Variants in CACNA1E observed in about 807,000 individuals in gnomAD.
The protein encoded by CACNA1E is voltage-dependent R-type calcium channel subunit alpha-1E.
Under a neutral mutation model 259.2 loss-of-function variants are expected in CACNA1E, and 40 were observed. That is an observed-to-expected ratio of 0.15 (90% CI 0.12 to 0.20). The LOEUF is 0.20. Ranked by LOEUF, CACNA1E falls within the 10% of genes least tolerant of loss-of-function variation. The pLI is 1.00. For synonymous variants in CACNA1E, 1,104 were observed against 1,138.5 expected, an observed-to-expected ratio of 0.97 and a Z score of 0.61; for missense variants, 1,874 against 3,040.1, an observed-to-expected ratio of 0.62 and a Z score of 9.02.
intron 2 of CACNA1E, among the ~76,000 whole-genome samples, chr1:181,459,442 C>T (rs918885105): frequency 6.6e-6 from 1 of 152,224 alleles, no homozygotes; most frequent in Admixed American, 6.5e-5. Flanking sequence ...GTGAGGATTC[C>T]TCTGTAGAAG....
chr1:181,493,071 T>C (rs74933039), intron 1 of CACNA1E, among the ~76,000 whole-genome samples: 28 of 152,346 alleles, frequency 1.8e-4, no homozygotes, highest in African/African-American at 6.7e-4. Context: ...ATTTGCTTTC[T>C]ATACTGGGAT....
chr1:181,526,187 T>C (rs183248642), intron 3 of CACNA1E, among the ~76,000 whole-genome samples: 256 of 152,284 alleles, frequency 1.7e-3, no homozygotes, highest in Admixed American at 3.3e-3. Context: ...AAAGGATTTT[T>C]AAAAAATTCT....
rs371652214 is a variant in CACNA1E at position 181,762,895 on chromosome 1, G to A, written c.4689+238G>A. Among the ~76,000 whole-genome samples the A allele has an allele frequency of 1.9e-3, 286 of 152,340 alleles. 6 individuals are homozygous for A. The highest frequency in any genetic ancestry group is 7.8e-3 in the Admixed American group (120 of 15,300). ...ACTCAGGCAGCAGACCTCTAATGGG[G>A]TAGGTGGGATAGACGGTGTCAGAAG... On this transcript the variant is annotated intron_variant, in intron 33 of 47. Transcript: ENST00000367573.
At chr1:181,740,613 C>A (rs960379250) in intron 25 of CACNA1E, among the ~76,000 whole-genome samples, 4 of 152,182 alleles carry the variant, frequency 2.6e-5, no homozygotes, top group Admixed American at 2.6e-4. Context: ...GACCCTGGAA[C>A]TGGACTGTGT....
At position 181,756,585 on chromosome 1, in the gene CACNA1E, G is replaced by T. The variant is rs528319376; in HGVS notation, c.4128-340G>T. ...TGAAAGCTAATTTCTCAGAGACTTAGCAATGACTAAGACACCACTCTCTAG... is the reference window on the plus strand; with the variant it reads ...TGAAAGCTAATTTCTCAGAGACTTATCAATGACTAAGACACCACTCTCTAG... On this transcript the variant is annotated intron_variant, in intron 29 of 47. Coordinates refer to ENST00000367573, the MANE Select transcript of CACNA1E (RefSeq NM_001205293.3). 2.6e-5 allele frequency among the ~76,000 whole-genome samples: 4 copies of T among 152,292 alleles called. No homozygotes were observed. The East Asian group carries it at 7.7e-4, about 29-fold the overall frequency.
chr1:181,669,617 C>CT (rs1331227330), intron 7 of CACNA1E, among the ~76,000 whole-genome samples: 1 of 152,240 alleles, frequency 6.6e-6, no homozygotes, highest in Non-Finnish European at 1.5e-5. Flanking sequence ...GGTGAGTTCA[C>CT]TTTCTTTTCC....
intron 1 of CACNA1E, among the ~76,000 whole-genome samples, chr1:181,396,073 G>T (rs1217911814): frequency 6.6e-6 from 1 of 152,200 alleles, no homozygotes; most frequent in Non-Finnish European, 1.5e-5. Context: ...TGGGGCTGGA[G>T]AATCCCATTC....
At chr1:181,326,703 C>G (rs572901451) in intron 1 of CACNA1E, among the ~76,000 whole-genome samples, 1 of 152,312 alleles carries the variant, frequency 6.6e-6, no homozygotes, top group African/African-American at 2.4e-5. Flanking sequence ...AGATTTCTCT[C>G]CAACTGAATA....
At chr1:181,680,884 G>T (rs1310772790) in intron 7 of CACNA1E, among the ~76,000 whole-genome samples, 6 of 152,200 alleles carry the variant, frequency 3.9e-5, no homozygotes, top group Non-Finnish European at 7.3e-5. Context: ...GTTGCCATAG[G>T]TGCTAGGTCA....
intron 3 of CACNA1E, among the ~76,000 whole-genome samples, chr1:181,556,427 G>T (rs1038207155): frequency 4.6e-5 from 7 of 152,092 alleles, no homozygotes; most frequent in African/African-American, 1.7e-4. Context: ...AAAATTTCAG[G>T]CTCCCTTTAC....
chr1:181,586,756 CTTATCTA>C (rs745648873), intron 6 of CACNA1E, among the ~76,000 whole-genome samples: 23 of 152,172 alleles, frequency 1.5e-4, no homozygotes, highest in Non-Finnish European at 2.9e-4. Flanking sequence ...TTCAAAAACT[CTTATCTA>C]TATGCTTTGC....
intron 6 of CACNA1E, among the ~76,000 whole-genome samples, chr1:181,592,378 G>A (rs1350822525): frequency 1.3e-5 from 2 of 151,676 alleles, no homozygotes; most frequent in Non-Finnish European, 2.9e-5. Context: ...AGGCTGTCGG[G>A]AGATGCAGCA....
At chr1:181,480,705 C>T (rs541797203), upstream of CACNA1E, among the ~76,000 whole-genome samples, 132 of 152,312 alleles carry the variant, frequency 8.7e-4, no homozygotes, top group Non-Finnish European at 1.6e-3. Flanking sequence ...TGCCGCCAGC[C>T]TGCTGAGGCA....
chr1:181,420,354 A>G (rs1658637161), intron 2 of CACNA1E, among the ~76,000 whole-genome samples: 1 of 152,214 alleles, frequency 6.6e-6, no homozygotes, highest in Non-Finnish European at 1.5e-5. Flanking sequence ...AGGTTTCCTC[A>G]GGCCCACTTT....
Position 181,511,526 on chromosome 1 carries a change from C to T in CACNA1E, c.512+16C>T. The T allele has an allele frequency of 3.1e-6, 5 of 1,613,070 alleles. No individual in the cohort carries two copies. The highest frequency in any genetic ancestry group is 4.2e-6 in the Non-Finnish European group (5 of 1,179,738). On this transcript the variant is annotated intron_variant, in intron 3 of 47. Coordinates refer to ENST00000367573, the MANE Select transcript of CACNA1E (RefSeq NM_001205293.3). ...TCCTCAGTGGGTAAGTCCATTTTCT[C>T]TCTCTGTCTGTGTGTGTGTATGAAG...
intron 1 of CACNA1E, among the ~76,000 whole-genome samples, chr1:181,399,058 C>A (rs900358145): frequency 6.6e-6 from 1 of 152,076 alleles, no homozygotes; most frequent in East Asian, 1.9e-4. Context: ...TTCAGTGAGT[C>A]CCCCCACCAC....
chr1:181,512,825 A>G (rs1666261545), intron 3 of CACNA1E, among the ~76,000 whole-genome samples: 1 of 152,212 alleles, frequency 6.6e-6, no homozygotes, highest in South Asian at 2.1e-4. Context: ...AGTTTTCTAA[A>G]AGAAAATTCT....
intron 1 of CACNA1E, among the ~76,000 whole-genome samples, chr1:181,411,175 C>G (rs968572922): frequency 6.6e-6 from 1 of 152,172 alleles, no homozygotes; most frequent in African/African-American, 2.4e-5. Flanking sequence ...CAGGCCCTCT[C>G]AAGCCACAAG....
At chr1:181,678,405 G>A (rs745551532) in intron 7 of CACNA1E, among the ~76,000 whole-genome samples, 2 of 152,294 alleles carry the variant, frequency 1.3e-5, no homozygotes, top group East Asian at 3.9e-4. Context: ...CCACTGTCTG[G>A]GAGCAGTAGC....
Sources: allele counts gnomAD v4.1 joint callset (sites outside exome capture counted in the v4.1 genomes callset), GRCh38; gene constraint gnomAD v4.1.1; transcripts MANE v1.5; gene names NCBI Gene and HGNC (gene_info 2026-07-23, HGNC 2026-07-21).